Variants in CNR1 observed in about 807,000 individuals in gnomAD.
CNR1 encodes cannabinoid receptor 1.
In CNR1, 10 loss-of-function variants were observed where a neutral mutation model predicts 23.0. The ratio of observed to expected loss-of-function variants is 0.43; its 90% CI spans 0.27 to 0.74. The LOEUF (loss-of-function observed/expected upper bound fraction) is 0.74, where lower values mean the gene tolerates loss of function less well. Among genes scored for constraint, CNR1 ranks in the 30% least tolerant of loss-of-function variants. The pLI is 0.19. For synonymous variants in CNR1, 271 were observed against 255.2 expected, an observed-to-expected ratio of 1.06 and a Z score of -0.59; for missense variants, 422 against 618.8, an observed-to-expected ratio of 0.68 and a Z score of 3.37.
At chr6:88,166,522 C>T (rs1446193000), upstream of CNR1, among the ~76,000 whole-genome samples, 1 of 152,144 alleles carries the variant, frequency 6.6e-6, no homozygotes, top group African/African-American at 2.4e-5. Flanking sequence ...GGACCCGCCG[C>T]GGCGCCAGCC....
At position 88,141,058 on chromosome 6, in the gene CNR1, C is replaced by T. The variant is rs922903656; in HGVS notation, c.*2798G>A. On this transcript the variant is annotated 3_prime_UTR_variant, in exon 2 of 2. Coordinates refer to ENST00000369501, the MANE Select transcript of CNR1 (RefSeq NM_016083.6). ...GCATGGTCAGGGCAAGTACATCATC[C>T]TCAGAGGAAAGTAAGATACCTCTGA... 1 of 152,216 alleles carries T rather than the reference C, an allele frequency of 6.6e-6. No homozygotes were observed. The highest frequency in any genetic ancestry group is 2.4e-5 in the African/African-American group (1 of 41,394). 9.4% of individuals were successfully genotyped at this position (152,216 alleles called of 1,614,324 possible).
Position 88,144,735 on chromosome 6 carries a change from G to C in CNR1, c.540C>G (p.Phe180Leu), listed in dbSNP as rs1777056028. Residue 180 changes from phenylalanine to leucine, a missense_variant, in exon 2 of 2, where the codon TTC becomes TTG. Phe to Leu is a conservative substitution (Grantham distance 22). Coordinates refer to ENST00000369501, the MANE Select transcript of CNR1 (RefSeq NM_016083.6). The surrounding 1 kb of genome is among the most constrained non-coding windows in gnomAD (Gnocchi z 7.8). ...ACACGTTGCGGCTATCTTTGCGGTG[G>C]AACACGTGGAAGTCAATGAAGCTGT... ...FVYSFIDFHV[F>L]HRKDSRNVFL... 1.9e-6 allele frequency: 3 copies of C among 1,614,042 alleles called. No homozygotes were observed. The highest frequency in any genetic ancestry group is 1.3e-5 in the African/African-American group (1 of 74,940).
rs544886365 is a variant in CNR1, at chr6:88,166,303, C to T, written c.-564G>A. 431 of 152,638 alleles carry T rather than the reference C, an allele frequency of 2.8e-3. No homozygotes were observed. The highest frequency in any genetic ancestry group is 4.2e-3 in the Non-Finnish European group (288 of 68,332). 9.5% of individuals were successfully genotyped at this position (152,638 alleles called of 1,614,324 possible). A position where few individuals can be genotyped will look rare whatever the true frequency, so the allele number is the denominator to read the frequency against. ...CCAGCCCGGGCGCCCGTCGCCTCGT[C>T]CCGCTCGCGCAGTCCCTGCCGCTCC... On this transcript the variant is annotated 5_prime_UTR_variant, in exon 1 of 2. Coordinates refer to ENST00000369501, the MANE Select transcript of CNR1 (RefSeq NM_016083.6).
chr6:88,162,585 A>G (rs996350146), intron 1 of CNR1, among the ~76,000 whole-genome samples: 1 of 152,152 alleles, frequency 6.6e-6, no homozygotes, highest in Admixed American at 6.5e-5. Flanking sequence ...TCATGCAGCC[A>G]TAATATAAAG....
chr6:88,152,214 CAAA>C (rs56141409), intron 1 of CNR1, among the ~76,000 whole-genome samples: 24,422 of 80,378 alleles, frequency 0.3, 1,633 homozygotes, highest in African/African-American at 0.42. Flanking sequence ...GACTCCGTCT[CAAA>C]AAAAAAAAAA....
In CNR1 at chr6:88,145,113, C is replaced by G; in HGVS notation, c.162G>C (p.Arg54Ser). Residue 54 changes from arginine (R) to serine (S), a missense_variant, in exon 2 of 2, where the codon AGG becomes AGC. Transcript: ENST00000369501. ...TCATCTTCTCTTGGAAGGGACTTCC[C>G]CTAAAGGAAGTTAAAGGGAATTTCT... ...FPQKFPLTSFRGSPFQEKMTA... is the reference protein window; with the variant it reads ...FPQKFPLTSFSGSPFQEKMTA... The G allele has an allele frequency of 6.2e-7, 1 of 1,614,082 alleles. No homozygotes were observed. The highest frequency in any genetic ancestry group is 8.5e-7 in the Non-Finnish European group (1 of 1,180,020).
chr6:88,144,809 T>C lies in CNR1; in HGVS notation c.466A>G (p.Ile156Val). 2.5e-6 allele frequency: 4 copies of C among 1,614,114 alleles called. No individual in the cohort carries two copies. The highest frequency in any genetic ancestry group is 3.4e-6 in the Non-Finnish European group (4 of 1,180,016). ...SLRCRPSYHF[I>V]GSLAVADLLG... ...AGGTCTGCCACCGCCAGGCTGCCGATGAAGTGGTAGGAAGGCCTGCAGCGG... is the reference window on the plus strand; with the variant it reads ...AGGTCTGCCACCGCCAGGCTGCCGACGAAGTGGTAGGAAGGCCTGCAGCGG... Residue 156 changes from isoleucine to valine, a missense_variant, in exon 2 of 2, where the codon ATC becomes GTC. This residue lies in a region of CNR1 where 211 missense variants were observed against 357.3 expected (regional missense o/e 0.59). Transcript: ENST00000369501. The surrounding 1 kb of genome is among the most constrained non-coding windows in gnomAD (Gnocchi z 7.8).
At chr6:88,150,160 C>A (rs1777440982) in intron 1 of CNR1, among the ~76,000 whole-genome samples, 1 of 152,226 alleles carries the variant, frequency 6.6e-6, no homozygotes, top group South Asian at 2.1e-4. Context: ...CAGTCATCTT[C>A]CCATTCCTTA....
At chr6:88,160,264 C>G (rs942639342) in intron 1 of CNR1, among the ~76,000 whole-genome samples, 1 of 151,914 alleles carries the variant, frequency 6.6e-6, no homozygotes, top group Non-Finnish European at 1.5e-5. Flanking sequence ...GCACTCCAGC[C>G]TGGGTCAACA....
intron 1 of CNR1, among the ~76,000 whole-genome samples, chr6:88,156,661 C>T (rs900426234): frequency 1.3e-5 from 2 of 152,328 alleles, no homozygotes; most frequent in East Asian, 3.9e-4. Context: ...CCCTTCAGAC[C>T]ATGAACACCT....
At chr6:88,160,531 T>G (rs918905460) in intron 1 of CNR1, among the ~76,000 whole-genome samples, 8 of 149,896 alleles carry the variant, frequency 5.3e-5, no homozygotes. Context: ...GTCCCCTGGG[T>G]GCAAGCAATT....
At chr6:88,162,462 T>C (rs1337173139) in intron 1 of CNR1, among the ~76,000 whole-genome samples, 1 of 152,194 alleles carries the variant, frequency 6.6e-6, no homozygotes, top group African/African-American at 2.4e-5. Flanking sequence ...TCTGAATTTA[T>C]AAAGTCAATC....
rs1482919061 is a variant in CNR1 at position 88,165,812 on chromosome 6, C to T, written c.-73G>A. 2.0e-5 allele frequency: 3 copies of T among 152,492 alleles called. No individual in the cohort carries two copies. Among genetic ancestry groups the T allele is most frequent in the African/African-American group, 7.2e-5 (3 of 41,478 alleles). The allele number at this position is 152,492 out of a possible 1,614,324, so 9.4% of individuals were successfully genotyped here. On this transcript the variant is annotated 5_prime_UTR_variant, in exon 1 of 2. Transcript: ENST00000369501. ...CTCTGCCAGGTCTTACCCTTCGCAT[C>T]CCCTGGTCCTCGGGACAGAAGCTCC...
At chr6:88,147,807 CT>C (rs1455132696) in intron 1 of CNR1, 1 of 152,340 alleles carries the variant, frequency 6.6e-6, no homozygotes, top group Non-Finnish European at 1.5e-5. Flanking sequence ...TCTCTTTGCC[CT>C]AAAAACCAAA....
intron 1 of CNR1, among the ~76,000 whole-genome samples, 194 bp downstream of exon 1, chr6:88,165,609 A>C (rs1381837803): frequency 6.6e-6 from 1 of 152,210 alleles, no homozygotes; most frequent in Middle Eastern, 3.2e-3. Context: ...ATAAATAGTA[A>C]ATGGTAGAAA....
rs1318718829 is a variant in CNR1, at chr6:88,143,388, T to C, written c.*468A>G. The C allele has an allele frequency of 6.4e-6, 1 of 155,582 alleles. No homozygotes were observed. Among genetic ancestry groups the C allele is most frequent in the East Asian group, 1.9e-4 (1 of 5,374 alleles). 9.6% of individuals were successfully genotyped at this position (155,582 alleles called of 1,614,324 possible). ...TTTTGCTGAACTAAACAAATATTAA[T>C]AGCACATAAACACTGATACACATCT... On this transcript the variant is annotated 3_prime_UTR_variant, in exon 2 of 2. Transcript: ENST00000369501.
chr6:88,152,938 C>T (rs1365243009), intron 1 of CNR1, among the ~76,000 whole-genome samples: 1 of 151,942 alleles, frequency 6.6e-6, no homozygotes, highest in Non-Finnish European at 1.5e-5. Context: ...TATAGATGCA[C>T]CTATTAAAGA....
At chr6:88,146,711 T>G (rs967904124) in intron 1 of CNR1, among the ~76,000 whole-genome samples, 1 of 152,232 alleles carries the variant, frequency 6.6e-6, no homozygotes, top group Non-Finnish European at 1.5e-5. Flanking sequence ...TAGAGTGATA[T>G]CTATAACAAT....
At chr6:88,160,228 C>T (rs988013675) in intron 1 of CNR1, among the ~76,000 whole-genome samples, 8 of 151,880 alleles carry the variant, frequency 5.3e-5, no homozygotes, top group African/African-American at 1.7e-4. Flanking sequence ...GAAGCGGAGG[C>T]TGCAGTGAGC....
Sources: allele counts gnomAD v4.1 joint callset (sites outside exome capture counted in the v4.1 genomes callset), GRCh38; gene constraint gnomAD v4.1.1; regional missense constraint gnomAD v4.1.1; non-coding constraint Gnocchi (gnomAD v3.1); transcripts MANE v1.5; gene names NCBI Gene and HGNC (gene_info 2026-07-23, HGNC 2026-07-21).